Variants in ASTN2 observed in about 807,000 individuals in gnomAD.
The protein encoded by ASTN2 is astrotactin 2.
In ASTN2, 54 loss-of-function variants were observed where a neutral mutation model predicts 139.8. That is an observed-to-expected ratio of 0.39 (90% confidence interval 0.31 to 0.48). The LOEUF (loss-of-function observed/expected upper bound fraction) is 0.48, where lower values mean the gene tolerates loss of function less well. Among genes scored for constraint, ASTN2 ranks in the 20% least tolerant of loss-of-function variants. ASTN2 has a pLI of 0.95. For synonymous variants in ASTN2, 756 were observed against 719.5 expected (o/e 1.05, Z -0.81); for missense variants, 1,565 against 1,725.1 (o/e 0.91, Z 1.64).
intron 13 of ASTN2, among the ~76,000 whole-genome samples, chr9:116,775,375 C>T (rs1830054186): frequency 6.6e-6 from 1 of 150,776 alleles, no homozygotes; most frequent in African/African-American, 2.4e-5. Context: ...TCTTTTCTCA[C>T]ACAGTGACTT....
intron 17 of ASTN2, among the ~76,000 whole-genome samples, chr9:116,650,987 C>T (rs1161859594): frequency 1.3e-5 from 2 of 151,598 alleles, no homozygotes; most frequent in African/African-American, 4.9e-5. Flanking sequence ...ACGATCTCGG[C>T]TCACTGCAAC....
intron 10 of ASTN2, among the ~76,000 whole-genome samples, chr9:116,954,602 A>G (rs1835658404): frequency 6.6e-6 from 1 of 152,234 alleles, no homozygotes; most frequent in African/African-American, 2.4e-5. Flanking sequence ...ACTGCAAGGT[A>G]TCAGTCATTG....
chr9:116,967,382 T>G (rs1008308262), intron 10 of ASTN2, among the ~76,000 whole-genome samples: 4 of 152,202 alleles, frequency 2.6e-5, no homozygotes, highest in Non-Finnish European at 4.4e-5. Context: ...CAATACCTCT[T>G]CTGTGTTTCA....
At chr9:116,710,737 A>G (rs76119818) in intron 16 of ASTN2, among the ~76,000 whole-genome samples, 1 of 142,344 alleles carries the variant, frequency 7.0e-6, no homozygotes, top group Non-Finnish European at 1.5e-5. Context: ...CCGTCTCAAA[A>G]AAAAAAAAAA....
intron 19 of ASTN2, among the ~76,000 whole-genome samples, chr9:116,589,558 T>G (rs991752805): frequency 6.6e-6 from 1 of 152,166 alleles, no homozygotes; most frequent in Non-Finnish European, 1.5e-5. Flanking sequence ...ATGATGTCAC[T>G]ATTGAAAACA....
chr9:116,987,354 C>T (rs1836718810), intron 7 of ASTN2, among the ~76,000 whole-genome samples: 1 of 152,190 alleles, frequency 6.6e-6, no homozygotes, highest in Non-Finnish European at 1.5e-5. Context: ...TGTGGGCAAC[C>T]CATGTGGGGT....
intron 5 of ASTN2, among the ~76,000 whole-genome samples, chr9:117,062,234 T>C (rs1320583104): frequency 6.6e-6 from 1 of 152,154 alleles, no homozygotes. Flanking sequence ...GTCAGCCACC[T>C]CAGCCAAACT....
chr9:116,575,839 A>C (rs1383713780), intron 19 of ASTN2, among the ~76,000 whole-genome samples: 3 of 152,136 alleles, frequency 2.0e-5, no homozygotes, highest in Admixed American at 6.5e-5. Context: ...GTGAGCTGAT[A>C]AGGGAAATGA....
intron 6 of ASTN2, among the ~76,000 whole-genome samples, chr9:117,029,579 T>C (rs1313137838): frequency 6.6e-6 from 1 of 151,886 alleles, no homozygotes; most frequent in Non-Finnish European, 1.5e-5. Context: ...ACCACTAAGC[T>C]GGAGAAGGCC....
chr9:116,425,473 G>A lies in ASTN2; in HGVS notation c.*378C>T. ...CTGTCCCTCCATAGGTCTCCTCCAG[G>A]GGTCCATGGCAGGAAGAAAGCAGAG... On this transcript the variant is annotated 3_prime_UTR_variant, in exon 23 of 23. Transcript: ENST00000313400. 2.4e-6 allele frequency: 3 copies of A among 1,266,272 alleles called. No homozygotes were observed. Among genetic ancestry groups the A allele is most frequent in the Non-Finnish European group, 3.4e-6 (3 of 881,726 alleles). The allele number at this position is 1,266,272 out of a possible 1,614,324, so 78.4% of individuals were successfully genotyped here. A position where few individuals can be genotyped will look rare whatever the true frequency, so the allele number is the denominator to read the frequency against.
chr9:116,715,581 C>G (rs971806041), intron 16 of ASTN2, among the ~76,000 whole-genome samples: 3 of 152,080 alleles, frequency 2.0e-5, no homozygotes, highest in African/African-American at 7.2e-5. Flanking sequence ...GCCCATCTCT[C>G]AGCCTTGTTC....
intron 17 of ASTN2, among the ~76,000 whole-genome samples, chr9:116,621,792 A>G (rs1424091692): frequency 6.6e-5 from 10 of 152,238 alleles, no homozygotes. Flanking sequence ...TTGGCAGTAA[A>G]GAGAACTTGG....
chr9:116,903,474 G>A (rs954770252), intron 10 of ASTN2, among the ~76,000 whole-genome samples: 2 of 152,304 alleles, frequency 1.3e-5, no homozygotes, highest in African/African-American at 4.8e-5. Flanking sequence ...GTGACCTTGA[G>A]TGTTAGGGTC....
In ASTN2 at chr9:117,269,543, C is replaced by T. The variant is rs924036318; in HGVS notation, c.630+21783G>A. ...AGGAAAAATGTCAACAATGGTGCTT[C>T]GGGGAAGGAAACATGGGCCTTATTT... On this transcript the variant is annotated intron_variant, in intron 2 of 22. Coordinates refer to ENST00000313400, the MANE Select transcript of ASTN2 (RefSeq NM_001365068.1). 9.2e-5 allele frequency among the ~76,000 whole-genome samples: 14 copies of T among 152,160 alleles called. 1 individual carries two copies. Among genetic ancestry groups the T allele is most frequent in the Admixed American group, 2.6e-4 (4 of 15,278 alleles).
At chr9:117,334,434 T>A (rs996705150) in intron 1 of ASTN2, among the ~76,000 whole-genome samples, 4 of 151,948 alleles carry the variant, frequency 2.6e-5, no homozygotes, top group Admixed American at 2.0e-4. Flanking sequence ...GAAAACAACA[T>A]TCACCCTCAG....
intron 16 of ASTN2, among the ~76,000 whole-genome samples, chr9:116,719,828 G>A (rs1192504021): frequency 2.0e-5 from 3 of 152,022 alleles, no homozygotes; most frequent in Non-Finnish European, 2.9e-5. Flanking sequence ...TAGTATCACC[G>A]AAACAAACAC....
At chr9:116,809,723 C>T (rs918094063) in intron 12 of ASTN2, among the ~76,000 whole-genome samples, 14 of 152,026 alleles carry the variant, frequency 9.2e-5, no homozygotes, top group Non-Finnish European at 5.9e-5. Context: ...TTAATATATA[C>T]GTTTTGCGAG....
intron 13 of ASTN2, among the ~76,000 whole-genome samples, chr9:116,800,245 T>G (rs1830809266): frequency 6.6e-6 from 1 of 152,140 alleles, no homozygotes; most frequent in South Asian, 2.1e-4. Context: ...TCTTAATTCT[T>G]TCTTTGCTTG....
At chr9:116,609,146 G>C (rs1321404005) in intron 19 of ASTN2, among the ~76,000 whole-genome samples, 1 of 151,592 alleles carries the variant, frequency 6.6e-6, no homozygotes, top group Non-Finnish European at 1.5e-5. Context: ...AAAAATGGCG[G>C]GAGATTTTTT....
Sources: allele counts gnomAD v4.1 joint callset (sites outside exome capture counted in the v4.1 genomes callset), GRCh38; gene constraint gnomAD v4.1.1; transcripts MANE v1.5; gene names NCBI Gene and HGNC (gene_info 2026-07-23, HGNC 2026-07-21).